MEI4: variants seen among roughly 807,000 people sequenced by gnomAD.
MEI4 encodes meiosis-specific protein MEI4.
MEI4 carries 27 observed loss-of-function variants against 31.4 expected under a neutral mutation model. The observed-to-expected ratio is 0.86, with a 90% CI of 0.63 to 1.19. The LOEUF is 1.19. Ranked by LOEUF, MEI4 falls within the 50% of genes most tolerant of loss-of-function variation. The pLI, the probability that MEI4 is intolerant of heterozygous loss-of-function variation, is 0.00. For missense variants in MEI4, 329 were observed against 398.9 expected (o/e 0.82, Z 1.49); for synonymous variants, 122 against 145.4 (o/e 0.84, Z 1.16).
At chr6:77,877,768 G>A (rs530795976) in intron 4 of MEI4, among the ~76,000 whole-genome samples, 10 of 147,748 alleles carry the variant, frequency 6.8e-5, no homozygotes, top group African/African-American at 1.5e-4. Context: ...AAGAAAAGGC[G>A]CTAGAAGATG....
chr6:77,680,115 CAAA>C (rs1220251759), intron 1 of MEI4, among the ~76,000 whole-genome samples: 1 of 39,754 alleles, frequency 2.5e-5, no homozygotes, highest in African/African-American at 1.2e-4. Context: ...ACTAAAAATA[CAAA>C]AAAAAAAAAA....
In MEI4 at chr6:77,788,235, T is replaced by C. The variant is rs145706510; in HGVS notation, c.768+26570T>C. Among the ~76,000 whole-genome samples, 526 of 152,286 alleles carry C rather than the reference T, an allele frequency of 3.5e-3. 24 individuals are homozygous for C. In the East Asian group the frequency reaches 0.08, roughly 23 times the overall value. ...TGCTAAAAACTCTCAATAAATTAGGTATTGATGGGATGTACCTCAAAATAA... is the reference window on the plus strand; with the variant it reads ...TGCTAAAAACTCTCAATAAATTAGGCATTGATGGGATGTACCTCAAAATAA... On this transcript the variant is annotated intron_variant, in intron 3 of 4. Transcript: ENST00000684080.
chr6:77,764,316 A>G (rs1009294264), intron 3 of MEI4, among the ~76,000 whole-genome samples: 2 of 151,706 alleles, frequency 1.3e-5, no homozygotes, highest in African/African-American at 4.8e-5. Flanking sequence ...CCATTGTAAT[A>G]CCTCCTTTTT....
chr6:77,701,185 G>A (rs1025371306), intron 2 of MEI4, among the ~76,000 whole-genome samples: 4 of 151,818 alleles, frequency 2.6e-5, no homozygotes, highest in Non-Finnish European at 5.9e-5. Context: ...AAATTTCATA[G>A]ACACTGCAAC....
chr6:77,652,749 C>T (rs901861246), upstream of MEI4, among the ~76,000 whole-genome samples: 4 of 152,092 alleles, frequency 2.6e-5, no homozygotes, highest in Admixed American at 2.0e-4. Flanking sequence ...AGTTATTCAG[C>T]TAAGATTTTC....
At chr6:77,735,987 C>T (rs1178828515) in intron 2 of MEI4, among the ~76,000 whole-genome samples, 3 of 152,024 alleles carry the variant, frequency 2.0e-5, no homozygotes, top group East Asian at 1.9e-4. Flanking sequence ...GGCAGTCTGC[C>T]CGTTCTCAGA....
At chr6:77,904,724 A>G (rs1488777433) in intron 4 of MEI4, among the ~76,000 whole-genome samples, 1 of 152,130 alleles carries the variant, frequency 6.6e-6, no homozygotes, top group Admixed American at 6.6e-5. Context: ...ATGAGCAGTT[A>G]GGTTGATTCC....
intron 3 of MEI4, among the ~76,000 whole-genome samples, chr6:77,791,055 GAAA>G (rs1170058248): frequency 6.6e-6 from 1 of 152,042 alleles, no homozygotes; most frequent in African/African-American, 2.4e-5. Flanking sequence ...AGGATGTGGA[GAAA>G]TAGGAACACT....
intron 1 of MEI4, among the ~76,000 whole-genome samples, chr6:77,672,561 A>G (rs1295944044): frequency 6.6e-6 from 1 of 151,994 alleles, no homozygotes; most frequent in Non-Finnish European, 1.5e-5. Context: ...TTTTTTTGAG[A>G]TGGAATCTCA....
chr6:77,680,344 C>T (rs1439965721), intron 1 of MEI4, among the ~76,000 whole-genome samples: 1 of 151,742 alleles, frequency 6.6e-6, no homozygotes, highest in East Asian at 1.9e-4. Context: ...TGTAGTGGTA[C>T]TCAGTGGGGT....
chr6:77,877,010 A>G (rs185853537), intron 4 of MEI4, among the ~76,000 whole-genome samples: 3 of 152,316 alleles, frequency 2.0e-5, no homozygotes, highest in African/African-American at 4.8e-5. Flanking sequence ...CTCTTGCAGA[A>G]TAGATACTTG....
At chr6:77,894,209 A>G (rs1243558196) in intron 4 of MEI4, among the ~76,000 whole-genome samples, 1 of 151,930 alleles carries the variant, frequency 6.6e-6, no homozygotes, top group Non-Finnish European at 1.5e-5. Flanking sequence ...ATATACTTGT[A>G]TGATTACTTT....
chr6:77,730,174 G>T (rs1766937854), intron 2 of MEI4, among the ~76,000 whole-genome samples: 1 of 152,132 alleles, frequency 6.6e-6, no homozygotes, highest in Non-Finnish European at 1.5e-5. Flanking sequence ...TGTTTGGCGT[G>T]TACAGTGTAT....
At chr6:77,757,088 G>T (rs545731899) in intron 2 of MEI4, among the ~76,000 whole-genome samples, 5 of 152,298 alleles carry the variant, frequency 3.3e-5, no homozygotes, top group African/African-American at 4.8e-5. Flanking sequence ...TCACTGTGTG[G>T]CTCTTTCTCA....
At chr6:77,849,106 A>G (rs1264817556) in intron 4 of MEI4, among the ~76,000 whole-genome samples, 1 of 152,198 alleles carries the variant, frequency 6.6e-6, no homozygotes, top group African/African-American at 2.4e-5. Flanking sequence ...AAAAATAAAA[A>G]TCAGGAAAGA....
At chr6:77,745,708 A>G (rs868270354) in intron 2 of MEI4, among the ~76,000 whole-genome samples, 13 of 152,180 alleles carry the variant, frequency 8.5e-5, no homozygotes, top group South Asian at 4.1e-4. Flanking sequence ...AAAATTGACC[A>G]CATACTGGGA....
At position 77,924,955 on chromosome 6, in the gene MEI4, A is replaced by C. The variant is rs533402626; in HGVS notation, c.*1609A>C. On this transcript the variant is annotated 3_prime_UTR_variant, in exon 5 of 5. Transcript: ENST00000684080. ...AGTTGAATACAAGAAGTATATTCCA[A>C]ATCTTGGATTAGGAGGGATTTTTCT... 3 of 152,018 alleles carry C rather than the reference A, an allele frequency of 2.0e-5. No homozygotes were observed. In the East Asian group the frequency reaches 5.8e-4, roughly 29 times the overall value. 9.4% of individuals were successfully genotyped at this position (152,018 alleles called of 1,614,324 possible). A position where few individuals can be genotyped will look rare whatever the true frequency, so the allele number is the denominator to read the frequency against.
chr6:77,826,036 A>G (rs145846189), intron 3 of MEI4, among the ~76,000 whole-genome samples: 210 of 152,280 alleles, frequency 1.4e-3, no homozygotes, highest in African/African-American at 4.8e-3. Flanking sequence ...CCTCAACCTT[A>G]TAAGAGGAGG....
chr6:77,773,398 A>T (rs1768363957), intron 3 of MEI4, among the ~76,000 whole-genome samples: 1 of 151,978 alleles, frequency 6.6e-6, no homozygotes, highest in Admixed American at 6.6e-5. Flanking sequence ...CAGTGAACTC[A>T]TTTTTGACAA....
Sources: allele counts gnomAD v4.1 joint callset (sites outside exome capture counted in the v4.1 genomes callset), GRCh38; gene constraint gnomAD v4.1.1; transcripts MANE v1.5; gene names NCBI Gene and HGNC (gene_info 2026-07-23, HGNC 2026-07-21).